MSH3: variants seen among roughly 807,000 people sequenced by gnomAD.
MSH3 encodes the protein DNA mismatch repair protein Msh3.
Under a neutral mutation model 123.3 loss-of-function variants are expected in MSH3, and 106 were observed. That is an observed-to-expected ratio of 0.86 (90% CI 0.73 to 1.01). The LOEUF (loss-of-function observed/expected upper bound fraction) is 1.01. Among genes scored for constraint, MSH3 ranks in the 50% least tolerant of loss-of-function variants. The pLI, the probability that MSH3 is intolerant of heterozygous loss-of-function variation, is 0.00. For synonymous variants in MSH3, 515 were observed against 481.4 expected (o/e 1.07, Z -0.91); for missense variants, 1,459 against 1,347.6 (o/e 1.08, Z -1.29).
At chr5:80,815,382 A>G (rs1271730888) in intron 20 of MSH3, among the ~76,000 whole-genome samples, 3 of 152,098 alleles carry the variant, frequency 2.0e-5, no homozygotes, top group Admixed American at 6.5e-5. Flanking sequence ...AGAAAAAAAA[A>G]AGAGAAAAAA....
chr5:80,770,323 C>A (rs74635953), intron 15 of MSH3, among the ~76,000 whole-genome samples: 213 of 151,102 alleles, frequency 1.4e-3, no homozygotes, highest in African/African-American at 4.9e-3. Context: ...CCAATTCTAC[C>A]ATTTACATGC....
intron 10 of MSH3, among the ~76,000 whole-genome samples, chr5:80,732,200 G>C (rs954609819): frequency 1.3e-5 from 2 of 152,108 alleles, no homozygotes; most frequent in Non-Finnish European, 2.9e-5. Flanking sequence ...GAATTAACCT[G>C]ATGCCTAAAT....
At chr5:80,702,289 G>A (rs756502776) in intron 8 of MSH3, among the ~76,000 whole-genome samples, 1 of 152,096 alleles carries the variant, frequency 6.6e-6, no homozygotes, top group Non-Finnish European at 1.5e-5. Flanking sequence ...TGCACCTCAT[G>A]GGAGTGGACA....
chr5:80,672,664 C>T (rs1749749201), intron 5 of MSH3, 77 bp from the exon 6 acceptor site: 9 of 1,130,964 alleles, frequency 8.0e-6, no homozygotes, highest in South Asian at 2.5e-5. Flanking sequence ...TCAGAATTGA[C>T]GTTTAAACAT....
At chr5:80,658,622 C>T (rs761738411) in intron 2 of MSH3, among the ~76,000 whole-genome samples, 1 of 152,092 alleles carries the variant, frequency 6.6e-6, no homozygotes, top group Non-Finnish European at 1.5e-5. Flanking sequence ...AGAGACAGGT[C>T]TTACTCTGTC....
Position 80,672,867 on chromosome 5 carries a change from T to C in MSH3, c.1027+9T>C. ...TACACTTATTGGAGAAGATATCCTT[T>C]TTGGACGGGAGTTTTTCTCTTAAAT... is the stretch of plus-strand genomic sequence containing the variant. On this transcript the variant is annotated intron_variant, in intron 6 of 23. Transcript: ENST00000265081. 1 of 1,580,324 alleles carries C rather than the reference T, an allele frequency of 6.3e-7. No homozygotes were observed. The highest frequency in any genetic ancestry group is 8.7e-7 in the Non-Finnish European group (1 of 1,149,270).
At chr5:80,661,807 T>C (rs1177216425) in intron 2 of MSH3, among the ~76,000 whole-genome samples, 1 of 152,222 alleles carries the variant, frequency 6.6e-6, no homozygotes, top group African/African-American at 2.4e-5. Context: ...TGGACTCTGT[T>C]CTGGCAAGCA....
chr5:80,668,076 T>A (rs1012764071), intron 3 of MSH3, among the ~76,000 whole-genome samples: 1 of 152,192 alleles, frequency 6.6e-6, no homozygotes, highest in African/African-American at 2.4e-5. Context: ...TGCTTCTTTC[T>A]GCAGGCAGGG....
chr5:80,866,204 T>C (rs999150376), intron 22 of MSH3, among the ~76,000 whole-genome samples: 11 of 152,218 alleles, frequency 7.2e-5, no homozygotes, highest in African/African-American at 2.7e-4. Flanking sequence ...AGTGGCACGA[T>C]CATAGCTCAC....
intron 3 of MSH3, among the ~76,000 whole-genome samples, chr5:80,669,804 T>C (rs1749664371): frequency 6.6e-6 from 1 of 152,198 alleles, no homozygotes. Flanking sequence ...TAATAATAGA[T>C]TTAATGAAAT....
chr5:80,740,547 G>A (rs901996943), intron 10 of MSH3, among the ~76,000 whole-genome samples: 20 of 151,738 alleles, frequency 1.3e-4, no homozygotes, highest in Admixed American at 8.5e-4. Flanking sequence ...TAGTAGAGAC[G>A]GGGTTTCATC....
intron 20 of MSH3, among the ~76,000 whole-genome samples, chr5:80,851,324 G>T (rs148152826): frequency 6.6e-6 from 1 of 152,020 alleles, no homozygotes; most frequent in African/African-American, 2.4e-5. Context: ...CCCTTTCCCC[G>T]CAGCACTCTT....
At chr5:80,803,491 G>GT (rs975918382) in intron 19 of MSH3, among the ~76,000 whole-genome samples, 2 of 112,758 alleles carry the variant, frequency 1.8e-5, no homozygotes, top group Non-Finnish European at 4.2e-5. Flanking sequence ...CAGATGGATG[G>GT]TTTGCAAATA....
chr5:80,739,807 G>A (rs995511139), intron 10 of MSH3, among the ~76,000 whole-genome samples: 24 of 152,334 alleles, frequency 1.6e-4, no homozygotes, highest in Admixed American at 7.8e-4. Flanking sequence ...GGGCTTTGGG[G>A]CCTTAGTCAA....
chr5:80,685,201 CTTTTTTTTTT>C (rs70991171), intron 8 of MSH3, among the ~76,000 whole-genome samples: 2 of 107,654 alleles, frequency 1.9e-5, no homozygotes, highest in South Asian at 3.0e-4. Context: ...AAGTATTCTC[CTTTTTTTTTT>C]TTTTTTTTTT....
chr5:80,777,355 C>G (rs1447063166), intron 16 of MSH3, among the ~76,000 whole-genome samples: 2 of 151,212 alleles, frequency 1.3e-5, no homozygotes, highest in African/African-American at 2.4e-5. Context: ...GATGTTTTCT[C>G]TTTTTGCAGG....
intron 7 of MSH3, among the ~76,000 whole-genome samples, chr5:80,676,842 T>C (rs997411056): frequency 6.6e-6 from 1 of 152,246 alleles, no homozygotes; most frequent in Non-Finnish European, 1.5e-5. Context: ...ACAGAGTTGA[T>C]AGTATATAAT....
At chr5:80,782,173 C>A (rs982391667) in intron 17 of MSH3, among the ~76,000 whole-genome samples, 4 of 152,114 alleles carry the variant, frequency 2.6e-5, no homozygotes, top group African/African-American at 7.2e-5. Flanking sequence ...TATGTAGACT[C>A]AAAATGTTAA....
At chr5:80,870,798 A>T (rs1024903678) in intron 22 of MSH3, among the ~76,000 whole-genome samples, 1 of 152,248 alleles carries the variant, frequency 6.6e-6, no homozygotes, top group Non-Finnish European at 1.5e-5. Flanking sequence ...TGATAAAAGA[A>T]GAAAAGCATA....
Sources: gnomAD v4.1 joint callset for allele counts (sites outside exome capture counted in the v4.1 genomes callset) on GRCh38, gnomAD v4.1.1 for gene constraint, MANE v1.5 for transcripts, NCBI Gene and HGNC (gene_info 2026-07-23, HGNC 2026-07-21) for gene names.